Variants in ZKSCAN1 observed in about 807,000 individuals in gnomAD.
The protein encoded by ZKSCAN1 is zinc finger with KRAB and SCAN domains 1.
Under a neutral mutation model 51.6 loss-of-function variants are expected in ZKSCAN1, and 14 were observed. That is an observed-to-expected ratio of 0.27 (90% CI 0.18 to 0.42). The LOEUF is 0.42. Ranked by LOEUF, ZKSCAN1 falls within the 10% of genes least tolerant of loss-of-function variation. The probability of loss-of-function intolerance (pLI) is 1.00; values close to 1 mark genes in which losing one functional copy is unlikely to be tolerated. For missense variants in ZKSCAN1, 531 were observed against 710.0 expected, an observed-to-expected ratio of 0.75 and a Z score of 2.86; for synonymous variants, 263 against 261.5, an observed-to-expected ratio of 1.01 and a Z score of -0.06.
Position 100,024,080 on chromosome 7 carries a change from A to G in ZKSCAN1, c.427-74A>G. The G allele has an allele frequency of 2.6e-6, 4 of 1,545,834 alleles. No homozygotes were observed. In the South Asian group the frequency reaches 3.8e-5, roughly 15 times the overall value. On this transcript the variant is annotated intron_variant, in intron 2 of 5. Transcript: ENST00000324306. ...TCTTCCTGCATCCACTGGCATACTC[A>G]TGGTCTGTTTTTAAATATTTTAATT...
rs372231594 is a variant in ZKSCAN1 at position 100,023,525 on chromosome 7, C to G, written c.19C>G (p.Arg7Gly). The part of the protein sequence containing the change: MMTAES[R>G]EATGLSPQAA... ...AGCCTGAATGATGACTGCTGAATCA[C>G]GGGAAGCCACGGGTCTGTCCCCACA... Residue 7 changes from arginine to glycine, a missense_variant, in exon 2 of 6, where the codon CGG (arginine) becomes GGG (glycine). By Grantham distance (125) the Arg-to-Gly change is moderately radical. Transcript: ENST00000324306. 1 of 1,610,818 alleles carries G rather than the reference C, an allele frequency of 6.2e-7. No individual in the cohort carries two copies. The highest frequency in any genetic ancestry group is 1.3e-5 in the African/African-American group (1 of 74,798).
chr7:100,020,087 G>A (rs912101005), intron 1 of ZKSCAN1, among the ~76,000 whole-genome samples: 1 of 152,138 alleles, frequency 6.6e-6, no homozygotes, highest in African/African-American at 2.4e-5. Context: ...TAAATACCCG[G>A]TACCTAGAAA....
chr7:100,030,133 T>A (rs1459211769), intron 4 of ZKSCAN1, 116 bp from the exon 5 acceptor site: 1 of 1,505,684 alleles, frequency 6.6e-7, no homozygotes, highest in Non-Finnish European at 9.0e-7. Context: ...CTGGCCACCC[T>A]TTTCTTCCCA....
At chr7:100,044,708 A>G, downstream of ZKSCAN1, 29 of 405,418 alleles carry the variant, frequency 7.2e-5, no homozygotes, top group South Asian at 1.0e-4. Flanking sequence ...AAAAAAAAGT[A>G]GCACTGAATA....
intron 5 of ZKSCAN1, among the ~76,000 whole-genome samples, chr7:100,031,327 G>A (rs1379269141): frequency 7.5e-6 from 1 of 133,272 alleles, no homozygotes; most frequent in East Asian, 2.3e-4. Flanking sequence ...TCCCAGGCTG[G>A]CATGCAGTGC....
At chr7:100,024,713 A>G (rs1790743277) in intron 3 of ZKSCAN1, 1 of 159,064 alleles carries the variant, frequency 6.3e-6, no homozygotes, top group Non-Finnish European at 1.4e-5. Context: ...CAGCCTGGCC[A>G]ACATGGTGAA....
chr7:100,036,145 T>C lies in ZKSCAN1; in HGVS notation c.*1948T>C. The C allele has an allele frequency of 1.0e-6, 1 of 985,424 alleles. No homozygotes were observed. Among genetic ancestry groups the C allele is most frequent in the Non-Finnish European group, 1.2e-6 (1 of 829,916 alleles). 61.0% of individuals were successfully genotyped at this position (985,424 alleles called of 1,614,324 possible). On this transcript the variant is annotated 3_prime_UTR_variant, in exon 6 of 6. Coordinates refer to ENST00000324306, the MANE Select transcript of ZKSCAN1 (RefSeq NM_003439.4). ...CTAAAACTGCACAGTGGTCATTCTT[T>C]GGCCTCTCCTTGGCTTTATGACTTA...
At chr7:100,015,920 C>T (rs1790340217) in intron 1 of ZKSCAN1, among the ~76,000 whole-genome samples, 194 bp downstream of exon 1, 2 of 152,190 alleles carry the variant, frequency 1.3e-5, no homozygotes, top group Admixed American at 6.5e-5. Flanking sequence ...CGTCCCCGCC[C>T]CACCCCCAGG....
intron 1 of ZKSCAN1, 71 bp from the exon 2 acceptor site, chr7:100,023,348 C>T: frequency 1.2e-6 from 1 of 807,774 alleles, no homozygotes; most frequent in Non-Finnish European, 1.9e-6. Flanking sequence ...GTGCTGCCTC[C>T]TATAAAGTGT....
rs1791415466 is a variant in ZKSCAN1 at position 100,037,532 on chromosome 7, T to A, written c.*3335T>A. The A allele has an allele frequency of 2.0e-6, 2 of 985,354 alleles. No homozygotes were observed. Among genetic ancestry groups the A allele is most frequent in the Admixed American group, 1.2e-4 (2 of 16,268 alleles). 61.0% of individuals were successfully genotyped at this position (985,354 alleles called of 1,614,324 possible). ...GAATTTATTCCAGAAAGGAGCCTCC[T>A]GAATGTGATGAATACGGCAAAGCCT... On this transcript the variant is annotated 3_prime_UTR_variant, in exon 6 of 6. Transcript: ENST00000324306.
rs923177713 is a variant in ZKSCAN1 at position 100,035,085 on chromosome 7, C to T, written c.*888C>T. ...GGTTGTCAAGGGATATATTTCTATC[C>T]CTGCCAGCACAGTGCTGGACATAGT... On this transcript the variant is annotated 3_prime_UTR_variant, in exon 6 of 6. Transcript: ENST00000324306. The T allele has an allele frequency of 5.9e-5, 9 of 152,620 alleles. No homozygotes were observed. Among genetic ancestry groups the T allele is most frequent in the Non-Finnish European group, 1.2e-4 (8 of 68,060 alleles). 9.5% of individuals were successfully genotyped at this position (152,620 alleles called of 1,614,324 possible).
rs977251943 is a variant in ZKSCAN1, at chr7:100,035,286, T to A, written c.*1089T>A. On this transcript the variant is annotated 3_prime_UTR_variant, in exon 6 of 6. Transcript: ENST00000324306. ...CCTCTAGGGTCTGATGCTGTTTTTGTTCCAAATATAAACGAAAGGCACTAG... is the reference window on the plus strand; with the variant it reads ...CCTCTAGGGTCTGATGCTGTTTTTGATCCAAATATAAACGAAAGGCACTAG... 8 of 152,220 alleles carry A rather than the reference T, an allele frequency of 5.3e-5. No homozygotes were observed. The highest frequency in any genetic ancestry group is 3.9e-4 in the Admixed American group (6 of 15,282). 9.4% of individuals were successfully genotyped at this position (152,220 alleles called of 1,614,324 possible).
chr7:100,021,214 G>A (rs1790576325), intron 1 of ZKSCAN1, among the ~76,000 whole-genome samples: 1 of 141,532 alleles, frequency 7.1e-6, no homozygotes, highest in Non-Finnish European at 1.5e-5. Context: ...TCAGCCTCCT[G>A]GGTTCAAGCG....
Position 100,030,268 on chromosome 7 carries a change from A to T in ZKSCAN1, c.692A>T (p.Asp231Val). ...ADSQAMVKIEDMAVSLILEEW... is the reference protein window; with the variant it reads ...ADSQAMVKIEVMAVSLILEEW... ...TTTTAGGCAATGGTGAAGATCGAGG[A>T]CATGGCTGTGTCCCTCATTCTGGAG... The change falls in exon 5 of 6, where the codon GAC becomes GTC. Residue 231 changes from aspartate to valine, a missense_variant. Coordinates refer to ENST00000324306, the MANE Select transcript of ZKSCAN1 (RefSeq NM_003439.4). 6.2e-7 allele frequency: 1 copy of T among 1,609,950 alleles called. No individual in the cohort carries two copies. The highest frequency in any genetic ancestry group is 8.5e-7 in the Non-Finnish European group (1 of 1,178,112).
Position 100,041,135 on chromosome 7 carries a change from C to T in ZKSCAN1, c.*6938C>T. 1.3e-6 allele frequency: 1 copy of T among 793,244 alleles called. No individual in the cohort carries two copies. The highest frequency in any genetic ancestry group is 1.5e-6 in the Non-Finnish European group (1 of 654,736). 49.1% of individuals were successfully genotyped at this position (793,244 alleles called of 1,614,324 possible). A position where few individuals can be genotyped will look rare whatever the true frequency, so the allele number is the denominator to read the frequency against. On this transcript the variant is annotated 3_prime_UTR_variant, in exon 6 of 6. Coordinates refer to ENST00000324306, the MANE Select transcript of ZKSCAN1 (RefSeq NM_003439.4). ...AGGCATTGTCTTGTTTATTTGTAGA[C>T]TGGATTAAAAACAACCTGTCCTGTT...
chr7:100,032,074 G>A (rs1004396123), intron 5 of ZKSCAN1, among the ~76,000 whole-genome samples: 2 of 152,154 alleles, frequency 1.3e-5, no homozygotes, highest in Non-Finnish European at 2.9e-5. Flanking sequence ...ACAAGACCCT[G>A]TCTCAAAAAC....
chr7:100,016,069 C>T (rs758834396), intron 1 of ZKSCAN1, among the ~76,000 whole-genome samples: 4 of 152,172 alleles, frequency 2.6e-5, no homozygotes, highest in Admixed American at 6.5e-5. Context: ...GCGAACCGAC[C>T]CCGGTCTTGA....
chr7:100,021,116 C>CTTTTT (rs60632908), intron 1 of ZKSCAN1, among the ~76,000 whole-genome samples: 136 of 85,316 alleles, frequency 1.6e-3, no homozygotes, highest in East Asian at 7.4e-3. Context: ...TTTTTTTTTC[C>CTTTTT]TTTTTTTTTT....
downstream of ZKSCAN1, among the ~76,000 whole-genome samples, chr7:100,042,883 C>T (rs1226806773): frequency 5.3e-5 from 8 of 151,120 alleles, no homozygotes; most frequent in Middle Eastern, 0.01. Flanking sequence ...CTGCAAGCTC[C>T]GCCTCCCGGG....
Sources: gnomAD v4.1 joint callset for allele counts (sites outside exome capture counted in the v4.1 genomes callset) on GRCh38, gnomAD v4.1.1 for gene constraint, MANE v1.5 for transcripts, NCBI Gene and HGNC (gene_info 2026-07-23, HGNC 2026-07-21) for gene names.